ZNF142: variants seen among roughly 807,000 people sequenced by gnomAD.
The protein encoded by ZNF142 is zinc finger protein 142 (clone pHZ-49).
In ZNF142, 96 loss-of-function variants were observed where a neutral mutation model predicts 132.1. The ratio of observed to expected loss-of-function variants is 0.73; its 90% confidence interval spans 0.62 to 0.86. The LOEUF (loss-of-function observed/expected upper bound fraction) is 0.86, where lower values mean the gene tolerates loss of function less well. Ranked by LOEUF, ZNF142 falls within the 40% of genes least tolerant of loss-of-function variation. The pLI, the probability that ZNF142 is intolerant of heterozygous loss-of-function variation, is 0.00. For missense variants in ZNF142, 2,163 were observed against 2,336.2 expected (o/e 0.93, Z 1.53); for synonymous variants, 842 against 890.1 (o/e 0.95, Z 0.96).
chr2:218,645,185 G>A, intron 8 of ZNF142, 121 bp from the exon 9 acceptor site: 2 of 1,271,228 alleles, frequency 1.6e-6, no homozygotes, highest in Non-Finnish European at 2.1e-6. Context: ...GTCACCTGAT[G>A]TAACCCTCCT....
chr2:218,633,524 G>A lies in ZNF142; in HGVS notation c.*4815C>T. 6.7e-7 allele frequency: 1 copy of A among 1,499,848 alleles called. No homozygotes were observed. Among genetic ancestry groups the A allele is most frequent in the Non-Finnish European group, 9.3e-7 (1 of 1,078,314 alleles). 92.9% of individuals were successfully genotyped at this position (1,499,848 alleles called of 1,614,324 possible). ...ATACAGTGGGGAGGCAGTGGGCAGA[G>A]GTTTAGGTTGGATGGCCATTATCTT... On this transcript the variant is annotated 3_prime_UTR_variant, in exon 11 of 11. Coordinates refer to ENST00000411696, the MANE Select transcript of ZNF142 (RefSeq NM_001379659.1).
At position 218,651,942 on chromosome 2, in the gene ZNF142, G is replaced by A. The variant is rs1252017551; in HGVS notation, c.639C>T (p.His213=). The change falls in exon 5 of 11, where the codon CAC becomes CAT. Residue 213 remains histidine, a synonymous_variant. Coordinates refer to ENST00000411696, the MANE Select transcript of ZNF142 (RefSeq NM_001379659.1). ...SAEDRKGLQH[H]LRQTHRAVPV... is the part of the protein sequence containing the mutation. Reference sequence around the variant, plus strand: ...GAACTGCTCTGTGAGTCTGCCTCAGGTGGTGCTGCAGACCCTTGCGATCTT... The same window carrying A: ...GAACTGCTCTGTGAGTCTGCCTCAGATGGTGCTGCAGACCCTTGCGATCTT... 1.7e-6 allele frequency: 2 copies of A among 1,163,526 alleles called. No homozygotes were observed. Among genetic ancestry groups the A allele is most frequent in the Admixed American group, 2.3e-5 (1 of 43,410 alleles). 72.1% of individuals were successfully genotyped at this position (1,163,526 alleles called of 1,614,324 possible). A position where few individuals can be genotyped will look rare whatever the true frequency, so the allele number is the denominator to read the frequency against.
At chr2:218,653,340 G>C (rs1938192290) in intron 4 of ZNF142, among the ~76,000 whole-genome samples, 1 of 152,010 alleles carries the variant, frequency 6.6e-6, no homozygotes, top group African/African-American at 2.4e-5. Flanking sequence ...CATTTTGGAA[G>C]GACGAGGTGG....
Position 218,646,352 on chromosome 2 carries a change from A to G in ZNF142, c.1874-4T>C, listed in dbSNP as rs750802788. 6 of 1,612,586 alleles carry G rather than the reference A, an allele frequency of 3.7e-6. No homozygotes were observed. Among genetic ancestry groups the G allele is most frequent in the Non-Finnish European group, 5.1e-6 (6 of 1,179,938 alleles). ...TCACACTTGTGGGGCTTCTCACCTT[A>G]TATGGGGGATGCGGATGAAGGGAGA... On this transcript the variant is annotated splice_polypyrimidine_tract_variant and splice_region_variant and intron_variant, in intron 7 of 10. Coordinates refer to ENST00000411696, the MANE Select transcript of ZNF142 (RefSeq NM_001379659.1).
chr2:218,652,580 G>T (rs1938108657), intron 4 of ZNF142, among the ~76,000 whole-genome samples: 1 of 152,162 alleles, frequency 6.6e-6, no homozygotes, highest in Admixed American at 6.5e-5. Flanking sequence ...AAAGCATTAA[G>T]ACAGTATATT....
intron 9 of ZNF142, 86 bp downstream of exon 9, chr2:218,641,942 G>A: frequency 6.7e-7 from 1 of 1,486,044 alleles, no homozygotes; most frequent in South Asian, 1.3e-5. Context: ...GCTAATATCT[G>A]GAGGAGTCAG....
In ZNF142 at chr2:218,652,248, GCT is replaced by G. The variant is rs1310840027; in HGVS notation, c.331_332del (p.Ser111LeufsTer14). ...GGGCCAGCAGAGTGGGCTCTGCGAAGCTCTGTTCACAGCGCTCACAGAAGTAC... is the reference window on the plus strand; with the variant it reads ...GGGCCAGCAGAGTGGGCTCTGCGAAGCTGTTCACAGCGCTCACAGAAGTAC... ...EVYFCERCEQ[S>X]FAEPTLLALH... On this transcript the variant is annotated frameshift_variant, in exon 5 of 11. Transcript: ENST00000411696. LOFTEE classifies it high-confidence loss of function. 2.2e-6 allele frequency: 1 copy of G among 456,836 alleles called. No homozygotes were observed. Among genetic ancestry groups the G allele is most frequent in the Non-Finnish European group, 4.4e-6 (1 of 227,032 alleles). 28.3% of individuals were successfully genotyped at this position (456,836 alleles called of 1,614,324 possible).
chr2:218,644,979 T>A lies in ZNF142; in HGVS notation c.2137A>T (p.Met713Leu). Residue 713 changes from methionine to leucine, a missense_variant, in exon 9 of 11, where the codon ATG becomes TTG. Coordinates refer to ENST00000411696, the MANE Select transcript of ZNF142 (RefSeq NM_001379659.1). This position sits in a 1 kb window ranked among gnomAD's most constrained non-coding sequence, Gnocchi z 4.6. ...CAGGCGAAGGCACACACCTCACACA[T>A]CAGAGACTTGCCCTGATGCCGCAGC... Reference protein sequence around the residue: ...HKLRHQGKSLMCEVCAFACKR... With the variant: ...HKLRHQGKSLLCEVCAFACKR... The A allele has an allele frequency of 6.2e-7, 1 of 1,614,098 alleles. No individual in the cohort carries two copies. Among genetic ancestry groups the A allele is most frequent in the Non-Finnish European group, 8.5e-7 (1 of 1,180,006 alleles).
At position 218,644,018 on chromosome 2, in the gene ZNF142, C is replaced by T. The variant is rs775334432; in HGVS notation, c.3098G>A (p.Gly1033Glu). 1 of 1,614,118 alleles carries T rather than the reference C, an allele frequency of 6.2e-7. No individual in the cohort carries two copies. The highest frequency in any genetic ancestry group is 1.1e-5 in the South Asian group (1 of 91,078). The change falls in exon 9 of 11, where the codon GGG becomes GAG. Residue 1033 changes from glycine to glutamate, a missense_variant. Gly to Glu is a moderately conservative substitution (Grantham distance 98). Transcript: ENST00000411696. The surrounding 1 kb of genome is among the most constrained non-coding windows in gnomAD (Gnocchi z 4.6). ...RVQMVVIQGE[G>E]RAFRCPHCPF... The stretch of plus-strand genomic sequence containing the variant: ...GCAGTGTGGGCAGCGGAAGGCTCGC[C>T]CCTCTCCCTGGATCACTACCATCTG...
In ZNF142 at chr2:218,637,971, A is replaced by C. The variant is rs1696851753; in HGVS notation, c.*368T>G. The C allele has an allele frequency of 5.5e-6, 1 of 183,030 alleles. No homozygotes were observed. The highest frequency in any genetic ancestry group is 6.2e-5 in the Admixed American group (1 of 16,178). The allele number at this position is 183,030 out of a possible 1,614,324, so 11.3% of individuals were successfully genotyped here. On this transcript the variant is annotated 3_prime_UTR_variant, in exon 11 of 11. Coordinates refer to ENST00000411696, the MANE Select transcript of ZNF142 (RefSeq NM_001379659.1). ...GGCACAACAGCACATGCGGTTAGAT[A>C]CAACTGTTTTTAGAAGATTCTGAAA...
chr2:218,646,156 A>C lies in ZNF142; in HGVS notation c.2051+15T>G. On this transcript the variant is annotated intron_variant, in intron 8 of 10. Transcript: ENST00000411696. ...ATTCTTGGGATTGGGACGGAGGCCT[A>C]TGTGTGTGTTGTACCTGAGGTCCCC... 1 of 1,610,744 alleles carries C rather than the reference A, an allele frequency of 6.2e-7. No individual in the cohort carries two copies. Among genetic ancestry groups the C allele is most frequent in the Non-Finnish European group, 8.5e-7 (1 of 1,178,506 alleles).
rs745358698 is a variant in ZNF142 at position 218,638,460 on chromosome 2, G to T, written c.5543C>A (p.Ala1848Asp). 3.9e-5 allele frequency: 62 copies of T among 1,585,762 alleles called. No homozygotes were observed. The South Asian group carries it at 6.2e-4, about 16-fold the overall frequency. The change falls in exon 11 of 11, where the codon GCC becomes GAC. Residue 1848 changes from alanine (A) to aspartate (D), a missense_variant. Physicochemically the swap from Ala to Asp is moderately radical, Grantham distance 126. This residue lies in a region of ZNF142 where 325 missense variants were observed against 367.8 expected (regional missense o/e 0.88). Coordinates refer to ENST00000411696, the MANE Select transcript of ZNF142 (RefSeq NM_001379659.1). ...KHVRRHHPDQ[A>D]DPNQGVGKDP... ...TTTGCCCACACCCTGGTTTGGGTCG[G>T]CTTGGTCAGGGTGGTGCCTGCGTAC...
At chr2:218,650,628 T>C in intron 5 of ZNF142, 102 bp from the exon 6 acceptor site, 1 of 1,186,404 alleles carries the variant, frequency 8.4e-7, no homozygotes, top group East Asian at 2.5e-5. Flanking sequence ...CTCTCCCACT[T>C]TTAGCATAAG....
chr2:218,638,328 G>A lies in ZNF142; in HGVS notation c.*11C>T. On this transcript the variant is annotated 3_prime_UTR_variant, in exon 11 of 11. Coordinates refer to ENST00000411696, the MANE Select transcript of ZNF142 (RefSeq NM_001379659.1). ...CATACCCTCTTCCTATACAGGAGGT[G>A]GGGCAGGCTTTCAGCCCTCAGGTCC... 2.7e-6 allele frequency: 4 copies of A among 1,507,484 alleles called. No individual in the cohort carries two copies. Among genetic ancestry groups the A allele is most frequent in the Non-Finnish European group, 3.5e-6 (4 of 1,128,360 alleles). 93.4% of individuals were successfully genotyped at this position (1,507,484 alleles called of 1,614,324 possible).
intron 9 of ZNF142, among the ~76,000 whole-genome samples, chr2:218,641,534 G>A (rs6716635): frequency 0.55 from 82,608 of 151,298 alleles, 23,140 homozygotes; most frequent in East Asian, 0.82. Context: ...GTGAGCCACC[G>A]CACCCAGCCT....
Position 218,634,249 on chromosome 2 carries a change from G to C in ZNF142, c.*4090C>G, listed in dbSNP as rs552091715. ...GAGGAGGCAGCAGGGACTGGGAAGA[G>C]GGAGTGGAGGAGCAGCAGGTGGGAA... On this transcript the variant is annotated 3_prime_UTR_variant, in exon 11 of 11. Transcript: ENST00000411696. This position sits in a 1 kb window ranked among gnomAD's most constrained non-coding sequence, Gnocchi z 4.0. The C allele has an allele frequency of 3.1e-6, 5 of 1,595,636 alleles. No individual in the cohort carries two copies. In the African/African-American group the frequency reaches 4.0e-5, roughly 13 times the overall value.
Position 218,642,334 on chromosome 2 carries a change from G to A in ZNF142, c.4782C>T (p.Gly1594=), listed in dbSNP as rs772315837. ...GCTGTTCCAGGTAGTGCTTTACCAG[G>A]CCCACCCGCTCCCGGGCAGCAAAGT... ...LCDFAARERV[G]LVKHYLEQHE... is the part of the protein sequence containing the mutation. The change falls in exon 9 of 11, where the codon GGC becomes GGT. Residue 1594 remains glycine (G), a synonymous_variant. Coordinates refer to ENST00000411696, the MANE Select transcript of ZNF142 (RefSeq NM_001379659.1). The surrounding 1 kb of genome is among the most constrained non-coding windows in gnomAD (Gnocchi z 4.6). 3 of 1,613,692 alleles carry A rather than the reference G, an allele frequency of 1.9e-6. No homozygotes were observed. Among genetic ancestry groups the A allele is most frequent in the Non-Finnish European group, 2.5e-6 (3 of 1,180,032 alleles).
At chr2:218,653,409 C>T (rs1938200374) in intron 4 of ZNF142, among the ~76,000 whole-genome samples, 1 of 151,958 alleles carries the variant, frequency 6.6e-6, no homozygotes, top group African/African-American at 2.4e-5. Context: ...GAAACCCCGT[C>T]TCTACTAAAA....
Position 218,652,215 on chromosome 2 carries a change from C to G in ZNF142, c.366G>C (p.Gln122His). ...FAEPTLLALH[Q>H]CSETHIQPVQ... is the part of the protein sequence containing the mutation. ...CAGGCTGTATATGGGTCTCACTGCA[C>G]TGGTGCAGGGCCAGCAGAGTGGGCT... Residue 122 changes from glutamine (Q) to histidine (H), a missense_variant, in exon 5 of 11, where the codon CAG (glutamine) becomes CAC (histidine). By Grantham distance (24) the Gln-to-His change is conservative (BLOSUM62 0). Transcript: ENST00000411696. 1 of 456,800 alleles carries G rather than the reference C, an allele frequency of 2.2e-6. No individual in the cohort carries two copies. Among genetic ancestry groups the G allele is most frequent in the Non-Finnish European group, 4.4e-6 (1 of 226,982 alleles). 28.3% of individuals were successfully genotyped at this position (456,800 alleles called of 1,614,324 possible).
Sources: allele counts gnomAD v4.1 joint callset (sites outside exome capture counted in the v4.1 genomes callset), GRCh38; gene constraint gnomAD v4.1.1; regional missense constraint gnomAD v4.1.1; non-coding constraint Gnocchi (gnomAD v3.1); transcripts MANE v1.5; gene names NCBI Gene and HGNC (gene_info 2026-07-23, HGNC 2026-07-21).